Variants in CNMD observed in about 807,000 individuals in gnomAD.
CNMD encodes the protein chondromodulin, also known as leukocyte cell-derived chemotaxin 1.
In CNMD, 30 loss-of-function variants were observed where a neutral mutation model predicts 37.5. The ratio of observed to expected loss-of-function variants is 0.80; its 90% CI spans 0.60 to 1.09. CNMD has a LOEUF of 1.09. Ranked by LOEUF, CNMD falls within the 50% of genes least tolerant of loss-of-function variation. The pLI is 0.00. For missense variants in CNMD, 398 were observed against 423.9 expected, an observed-to-expected ratio of 0.94 and a Z score of 0.54; for synonymous variants, 167 against 148.2, an observed-to-expected ratio of 1.13 and a Z score of -0.92.
intron 2 of CNMD, among the ~76,000 whole-genome samples, chr13:52,736,347 T>C (rs1413915025): frequency 2.6e-5 from 4 of 152,200 alleles, no homozygotes; most frequent in Admixed American, 2.6e-4. Context: ...CAGGCTGGTC[T>C]TGAACTCCTG....
In CNMD at chr13:52,739,103, G is replaced by A. The variant is rs1259557686; in HGVS notation, c.141C>T (p.Leu47=). The stretch of plus-strand genomic sequence containing the variant: ...AGAGCAGCAGCACAGCTCCCGAAAT[G>A]AGGACCACGGCTCCCACCTTGAGCA... The part of the protein sequence containing the change: ...ARLLKVGAVV[L]ISGAVLLLFG... Residue 47 remains leucine (L), a synonymous_variant, in exon 2 of 7, where the codon CTC becomes CTT. Transcript: ENST00000377962. This position sits in a 1 kb window ranked among gnomAD's most constrained non-coding sequence, Gnocchi z 5.4. 1.3e-5 allele frequency: 20 copies of A among 1,574,070 alleles called. No individual in the cohort carries two copies. The highest frequency in any genetic ancestry group is 1.7e-5 in the Non-Finnish European group (20 of 1,164,526).
intron 4 of CNMD, among the ~76,000 whole-genome samples, chr13:52,719,573 C>T (rs536046176): frequency 1.3e-5 from 2 of 152,144 alleles, no homozygotes; most frequent in Non-Finnish European, 2.9e-5. Flanking sequence ...TTTTATTTCT[C>T]CTTCACTTAT....
chr13:52,717,637 A>G (rs1964412508), intron 4 of CNMD, among the ~76,000 whole-genome samples: 1 of 152,080 alleles, frequency 6.6e-6, no homozygotes, highest in Non-Finnish European at 1.5e-5. Context: ...TAGGTAATGG[A>G]TTATGTTGAT....
At chr13:52,720,764 G>A (rs1964468904) in intron 4 of CNMD, among the ~76,000 whole-genome samples, 1 of 152,166 alleles carries the variant, frequency 6.6e-6, no homozygotes, top group South Asian at 2.1e-4. Flanking sequence ...GTGTCTCCCA[G>A]TCAGGCACAG....
chr13:52,713,074 C>T (rs1307052001), intron 4 of CNMD, among the ~76,000 whole-genome samples: 1 of 152,060 alleles, frequency 6.6e-6, no homozygotes, highest in Non-Finnish European at 1.5e-5. Flanking sequence ...CTCCTGTTGC[C>T]CTGCCTCTGG....
At chr13:52,703,976 G>A (rs996075506) in intron 6 of CNMD, among the ~76,000 whole-genome samples, 166 bp from the exon 7 acceptor site, 1 of 152,138 alleles carries the variant, frequency 6.6e-6, no homozygotes, top group Non-Finnish European at 1.5e-5. Flanking sequence ...GTTCACTGCT[G>A]TCATTCATAA....
chr13:52,706,955 G>A (rs919202333), intron 6 of CNMD, among the ~76,000 whole-genome samples: 8 of 152,090 alleles, frequency 5.3e-5, no homozygotes, highest in Non-Finnish European at 1.2e-4. Flanking sequence ...GTGCAATGGC[G>A]TGATCTTGGC....
intron 2 of CNMD, among the ~76,000 whole-genome samples, chr13:52,734,518 T>C (rs1964724942): frequency 6.6e-6 from 1 of 152,140 alleles, no homozygotes; most frequent in South Asian, 2.1e-4. Context: ...TCCTGCTCAG[T>C]GTGCTGCTGT....
At position 52,708,631 on chromosome 13, in the gene CNMD, G is replaced by T. The variant is rs759585521; in HGVS notation, c.694C>A (p.Pro232Thr). Residue 232 changes from proline (P) to threonine (T), a missense_variant, in exon 6 of 7, where the codon CCA (proline) becomes ACA (threonine). Coordinates refer to ENST00000377962, the MANE Select transcript of CNMD (RefSeq NM_007015.3). ...PTTTKRPHSG[P>T]RSNPGAGRLN... ...CTTCCAGCGCCTGGGTTGCTCCGTG[G>T]TCCACTGTGTGGTCTTTTTGTGGTA... 1 of 1,613,950 alleles carries T rather than the reference G, an allele frequency of 6.2e-7. No homozygotes were observed. Among genetic ancestry groups the T allele is most frequent in the Non-Finnish European group, 8.5e-7 (1 of 1,179,920 alleles).
At chr13:52,712,619 CT>C (rs1964307485) in intron 5 of CNMD, 96 bp downstream of exon 5, 1 of 712,278 alleles carries the variant, frequency 1.4e-6, no homozygotes, top group East Asian at 3.0e-5. Context: ...ATTTATCCTC[CT>C]TGTTAACATG....
Position 52,707,058 on chromosome 13 carries a change from A to G in CNMD, c.789+1478T>C, listed in dbSNP as rs541033788. Reference sequence around the variant, plus strand: ...ATAGGTGCACGTCACTGTGCCAGCTAATTTTTTGTATTTTTAGTAGAGACG... The same window carrying G: ...ATAGGTGCACGTCACTGTGCCAGCTGATTTTTTGTATTTTTAGTAGAGACG... On this transcript the variant is annotated intron_variant, in intron 6 of 6. Transcript: ENST00000377962. Among the ~76,000 whole-genome samples, 11 of 151,936 alleles carry G rather than the reference A, an allele frequency of 7.2e-5. No homozygotes were observed. The East Asian group carries it at 2.1e-3, about 29-fold the overall frequency.
Position 52,739,604 on chromosome 13 carries a change from CG to C in CNMD, c.72+25del, listed in dbSNP as rs1205918082. The stretch of plus-strand genomic sequence containing the variant: ...TGATACTCACACAACCCAGGCCCTG[CG>C]TGTGGAATCCCTGGCGGTACTCACC... On this transcript the variant is annotated intron_variant, in intron 1 of 6. Transcript: ENST00000377962. The surrounding 1 kb of genome is among the most constrained non-coding windows in gnomAD (Gnocchi z 5.4). 5 of 1,600,628 alleles carry C rather than the reference CG, an allele frequency of 3.1e-6. No individual in the cohort carries two copies. Among genetic ancestry groups the C allele is most frequent in the Non-Finnish European group, 4.3e-6 (5 of 1,167,728 alleles).
At chr13:52,732,356 C>T (rs1964685704) in intron 3 of CNMD, among the ~76,000 whole-genome samples, 1 of 152,136 alleles carries the variant, frequency 6.6e-6, no homozygotes, top group African/African-American at 2.4e-5. Context: ...TTATGTTGGC[C>T]AACAGGAAAT....
Position 52,708,675 on chromosome 13 carries a change from A to G in CNMD, c.650T>C (p.Val217Ala). ...KEIQRERREV[V>A]RKIVPTTTKR... Reference sequence around the variant, plus strand: ...TGTGGTAGTTGGAACAATTTTTCTTACCACTTCTCTTCTTTCCCTCTGGAT... The same window carrying G: ...TGTGGTAGTTGGAACAATTTTTCTTGCCACTTCTCTTCTTTCCCTCTGGAT... Residue 217 changes from valine to alanine, a missense_variant, in exon 6 of 7, where the codon GTA becomes GCA. Coordinates refer to ENST00000377962, the MANE Select transcript of CNMD (RefSeq NM_007015.3). 1 of 1,609,528 alleles carries G rather than the reference A, an allele frequency of 6.2e-7. No individual in the cohort carries two copies. Among genetic ancestry groups the G allele is most frequent in the Non-Finnish European group, 8.5e-7 (1 of 1,178,828 alleles).
Position 52,733,209 on chromosome 13 carries a change from A to G in CNMD, c.354+10T>C. On this transcript the variant is annotated intron_variant, in intron 3 of 6. Coordinates refer to ENST00000377962, the MANE Select transcript of CNMD (RefSeq NM_007015.3). ...TGGTTAAATTCTCTAAATGCATGAAATATACTTACATTCTGGAAATCATTA... is the reference window on the plus strand; with the variant it reads ...TGGTTAAATTCTCTAAATGCATGAAGTATACTTACATTCTGGAAATCATTA... 6.2e-7 allele frequency: 1 copy of G among 1,614,018 alleles called. No homozygotes were observed.
chr13:52,734,857 G>C (rs909914732), intron 2 of CNMD, among the ~76,000 whole-genome samples: 1 of 152,110 alleles, frequency 6.6e-6, no homozygotes, highest in African/African-American at 2.4e-5. Flanking sequence ...TCCATTTCTT[G>C]AAGAAAACTC....
At chr13:52,738,953 C>G (rs1199097334) in intron 2 of CNMD, 78 bp downstream of exon 2, 2 of 1,325,894 alleles carry the variant, frequency 1.5e-6, no homozygotes, top group Admixed American at 3.8e-5. Context: ...GCGCGCCCCT[C>G]GCCGGCCCGC....
intron 2 of CNMD, 38 bp from the exon 3 acceptor site, chr13:52,733,397 T>C (rs1255115470): frequency 6.2e-7 from 1 of 1,608,132 alleles, no homozygotes; most frequent in Non-Finnish European, 8.5e-7. Flanking sequence ...GCTTTCTTTT[T>C]TGAGCAATTC....
At position 52,703,331 on chromosome 13, in the gene CNMD, CTT is replaced by C. The variant is rs1964114242; in HGVS notation, c.*262_*263del. 8 of 351,096 alleles carry C rather than the reference CTT, an allele frequency of 2.3e-5. No homozygotes were observed. The South Asian group carries it at 5.4e-4, about 24-fold the overall frequency. 21.7% of individuals were successfully genotyped at this position (351,096 alleles called of 1,614,324 possible). On this transcript the variant is annotated 3_prime_UTR_variant, in exon 7 of 7. Transcript: ENST00000377962. ...TTTGGAAGATACAAGCAAGGGAAGA[CTT>C]ATGGCAAAGCAATGCAAATAAAAAA...
Sources: gnomAD v4.1 joint callset for allele counts (sites outside exome capture counted in the v4.1 genomes callset) on GRCh38, gnomAD v4.1.1 for gene constraint, Gnocchi (gnomAD v3.1) non-coding constraint, MANE v1.5 for transcripts, NCBI Gene and HGNC (gene_info 2026-07-23, HGNC 2026-07-21) for gene names.